Variants in GNG2 observed in about 807,000 individuals in gnomAD.
GNG2 encodes the protein guanine nucleotide-binding protein G(I)/G(S)/G(O) subunit gamma-2.
In GNG2, 5 loss-of-function variants were observed where a neutral mutation model predicts 5.5. The ratio of observed to expected loss-of-function variants is 0.91; its 90% CI spans 0.48 to 1.92. GNG2 has a LOEUF of 1.92. Ranked by LOEUF, GNG2 falls within the 30% of genes most tolerant of loss-of-function variation. The pLI, the probability that GNG2 is intolerant of heterozygous loss-of-function variation, is 0.01. For missense variants in GNG2, 55 were observed against 88.4 expected (o/e 0.62, Z 1.52); for synonymous variants, 28 against 32.0 (o/e 0.88, Z 0.42).
At chr14:51,889,386 A>G (rs1196282487) in intron 2 of GNG2, among the ~76,000 whole-genome samples, 1 of 151,974 alleles carries the variant, frequency 6.6e-6, no homozygotes, top group Non-Finnish European at 1.5e-5. Flanking sequence ...GTGAGCCACC[A>G]TGCCCGGTCC....
At chr14:51,884,327 C>T (rs963475185) in intron 2 of GNG2, among the ~76,000 whole-genome samples, 4 of 152,174 alleles carry the variant, frequency 2.6e-5, no homozygotes, top group Non-Finnish European at 5.9e-5. Context: ...CCTCTGTTAA[C>T]ATTTATATGC....
chr14:51,834,246 C>T (rs940046183), intron 2 of GNG2, among the ~76,000 whole-genome samples: 1 of 152,218 alleles, frequency 6.6e-6, no homozygotes, highest in Admixed American at 6.5e-5. Flanking sequence ...GATGCAAACG[C>T]CTCCTTACCT....
intron 2 of GNG2, among the ~76,000 whole-genome samples, chr14:51,948,070 G>C (rs1737798959): frequency 6.6e-6 from 1 of 152,204 alleles, no homozygotes; most frequent in Non-Finnish European, 1.5e-5. Flanking sequence ...TGCCTCCCAG[G>C]CCAGTAGCAG....
chr14:51,920,364 TATA>T (rs1487910385), intron 2 of GNG2, among the ~76,000 whole-genome samples: 6 of 150,654 alleles, frequency 4.0e-5, no homozygotes, highest in African/African-American at 4.9e-5. Flanking sequence ...ATATAATAAT[TATA>T]ATAATTATAA....
chr14:51,954,020 T>C (rs1889133698), intron 3 of GNG2, among the ~76,000 whole-genome samples: 1 of 152,196 alleles, frequency 6.6e-6, no homozygotes, highest in African/African-American at 2.4e-5. Context: ...TTGAAGTTGT[T>C]GAGGGTCCCT....
At chr14:51,874,441 A>T (rs1052054821) in intron 1 of GNG2, among the ~76,000 whole-genome samples, 2 of 147,978 alleles carry the variant, frequency 1.4e-5, no homozygotes, top group Non-Finnish European at 3.0e-5. Context: ...AAAAAAAAAA[A>T]ACAGTCTGGC....
intron 1 of GNG2, among the ~76,000 whole-genome samples, chr14:51,876,350 C>A (rs1174703105): frequency 6.6e-6 from 1 of 152,044 alleles, no homozygotes; most frequent in African/African-American, 2.4e-5. Flanking sequence ...CTTGATAATT[C>A]TTCTTTGTCC....
intron 2 of GNG2, among the ~76,000 whole-genome samples, chr14:51,904,038 C>G (rs1885739645): frequency 6.6e-6 from 1 of 152,132 alleles, no homozygotes; most frequent in Non-Finnish European, 1.5e-5. Flanking sequence ...CTCAGGAGAG[C>G]TAGAGAATCT....
intron 2 of GNG2, among the ~76,000 whole-genome samples, chr14:51,931,900 G>C (rs772874786): frequency 2.6e-5 from 4 of 152,116 alleles, no homozygotes; most frequent in Non-Finnish European, 5.9e-5. Flanking sequence ...CGGCACCACT[G>C]TTCACTATAG....
At chr14:51,956,669 G>A (rs945854610) in intron 3 of GNG2, among the ~76,000 whole-genome samples, 6 of 152,000 alleles carry the variant, frequency 3.9e-5, no homozygotes, top group South Asian at 2.1e-4. Context: ...CCATTAATGC[G>A]GGCAACCCAA....
At chr14:51,872,582 T>C (rs17124695) in intron 1 of GNG2, among the ~76,000 whole-genome samples, 3,550 of 152,274 alleles carry the variant, frequency 0.023, 120 homozygotes, top group African/African-American at 0.073. Flanking sequence ...CTGACAGCCT[T>C]ACCCAGAATG....
At chr14:51,871,599 G>C (rs1193066019) in intron 1 of GNG2, among the ~76,000 whole-genome samples, 1 of 152,166 alleles carries the variant, frequency 6.6e-6, no homozygotes, top group Admixed American at 6.5e-5. Context: ...ATTTAGCAAG[G>C]TGCCTGAATT....
intron 2 of GNG2, among the ~76,000 whole-genome samples, chr14:51,908,571 T>C (rs2357302): frequency 4.7e-5 from 7 of 149,646 alleles, no homozygotes; most frequent in African/African-American, 1.2e-4. Flanking sequence ...TCCATATATA[T>C]AGAGAGAGAG....
intron 3 of GNG2, among the ~76,000 whole-genome samples, chr14:51,951,113 A>G (rs1566710032): frequency 6.6e-6 from 1 of 152,028 alleles, no homozygotes. Context: ...TTGGTTTTTA[A>G]TTTTTTCTGT....
intron 2 of GNG2, among the ~76,000 whole-genome samples, chr14:51,854,629 GC>G (rs549981060): frequency 4.3e-3 from 289 of 67,926 alleles, no homozygotes; most frequent in African/African-American, 0.016. Context: ...TCCTGCCTCA[GC>G]TCCCCCCGAG....
rs11621139 is a variant in GNG2 at position 51,848,884 on chromosome 14, T to C, written c.64+21077T>C. On this transcript the variant is annotated intron_variant, in intron 2 of 3. Transcript: ENST00000553432. ...AGGAATAGACACACTGACCTCACTT[T>C]CTACCCGCTGGTCTAACACAGATGG... 5.9e-5 allele frequency among the ~76,000 whole-genome samples: 9 copies of C among 152,190 alleles called. No individual in the cohort carries two copies. In the South Asian group the frequency reaches 1.9e-3, roughly 32 times the overall value.
intron 2 of GNG2, among the ~76,000 whole-genome samples, chr14:51,932,258 A>AG (rs1310431727): frequency 6.8e-6 from 1 of 147,702 alleles, no homozygotes; most frequent in Non-Finnish European, 1.5e-5. Flanking sequence ...AAAAAAAAAA[A>AG]AAAAAAAAAA....
At chr14:51,911,866 G>GT (rs536563045) in intron 2 of GNG2, among the ~76,000 whole-genome samples, 5,311 of 134,054 alleles carry the variant, frequency 0.04, 677 homozygotes, top group African/African-American at 0.13. Context: ...CTTTTCTTAT[G>GT]TTTTTTTTTT....
intron 2 of GNG2, among the ~76,000 whole-genome samples, chr14:51,899,148 C>T (rs911004287): frequency 2.6e-5 from 4 of 152,138 alleles, no homozygotes; most frequent in African/African-American, 7.2e-5. Context: ...TGTCCTGACC[C>T]CTTTCTGACA....
Sources: allele counts gnomAD v4.1 joint callset (sites outside exome capture counted in the v4.1 genomes callset), GRCh38; gene constraint gnomAD v4.1.1; transcripts MANE v1.5; gene names NCBI Gene and HGNC (gene_info 2026-07-23, HGNC 2026-07-21).